Variants in CDR2 observed in about 807,000 individuals in gnomAD.
CDR2 encodes the protein cerebellar degeneration-related protein 2.
CDR2 carries 34 observed loss-of-function variants against 48.4 expected under a neutral mutation model. That is an observed-to-expected ratio of 0.70 (90% CI 0.53 to 0.94). The LOEUF (loss-of-function observed/expected upper bound fraction) is 0.94, where lower values mean the gene tolerates loss of function less well. Among genes scored for constraint, CDR2 ranks in the 40% least tolerant of loss-of-function variants. The pLI is 0.00. For synonymous variants in CDR2, 240 were observed against 219.7 expected (o/e 1.09, Z -0.82); for missense variants, 498 against 549.5 (o/e 0.91, Z 0.94).
At position 22,347,690 on chromosome 16, in the gene CDR2, G is replaced by T; in HGVS notation, c.640C>A (p.Gln214Lys). Residue 214 changes from glutamine to lysine, a missense_variant, in exon 5 of 5, where the codon CAG becomes AAG. Transcript: ENST00000268383. ...TCCTCCTCCATAGTCACCCGCTTCT[G>T]CCGCTCCAGGCTCAGCTGGGCCTGC... The part of the protein sequence containing the change: ...MLQAQLSLER[Q>K]KRVTMEEEYG... 6.2e-7 allele frequency: 1 copy of T among 1,613,860 alleles called. No individual in the cohort carries two copies. Among genetic ancestry groups the T allele is most frequent in the Non-Finnish European group, 8.5e-7 (1 of 1,180,020 alleles).
intron 4 of CDR2, among the ~76,000 whole-genome samples, chr16:22,348,735 C>G (rs1409773575): frequency 6.6e-6 from 1 of 152,202 alleles, no homozygotes. Context: ...TTCTCCTGCT[C>G]AGTCTGAAGC....
At chr16:22,372,763 A>T (rs2049086870) in intron 1 of CDR2, among the ~76,000 whole-genome samples, 1 of 152,238 alleles carries the variant, frequency 6.6e-6, no homozygotes, top group African/African-American at 2.4e-5. Flanking sequence ...AATAAAGGTG[A>T]ATTACTTTGG....
At position 22,347,223 on chromosome 16, in the gene CDR2, C is replaced by T; in HGVS notation, c.1107G>A (p.Glu369=). 2 of 1,614,204 alleles carry T rather than the reference C, an allele frequency of 1.2e-6. No individual in the cohort carries two copies. The highest frequency in any genetic ancestry group is 1.7e-6 in the Non-Finnish European group (2 of 1,180,034). Reference sequence around the variant, plus strand: ...CCTTGTGTGACAGGGAGTCCTGTTCCTCTTGGCACTTCTTCAGCAACTCTT... The same window carrying T: ...CCTTGTGTGACAGGGAGTCCTGTTCTTCTTGGCACTTCTTCAGCAACTCTT... ...KYEELLKKCQ[E]EQDSLSHKAV... is the part of the protein sequence containing the mutation. The change falls in exon 5 of 5, where the codon GAG becomes GAA. Residue 369 remains glutamate, a synonymous_variant. Transcript: ENST00000268383.
intron 2 of CDR2, among the ~76,000 whole-genome samples, chr16:22,356,774 A>T (rs1827918050): frequency 6.6e-6 from 1 of 151,708 alleles, no homozygotes; most frequent in Admixed American, 6.6e-5. Context: ...TAAAATAAAT[A>T]AAAATACAAA....
At chr16:22,368,805 G>C (rs553453270) in intron 1 of CDR2, 8 of 152,168 alleles carry the variant, frequency 5.3e-5, no homozygotes, top group Middle Eastern at 3.2e-3. Flanking sequence ...TCTTCTACTT[G>C]TTTTCACAGA....
intron 2 of CDR2, among the ~76,000 whole-genome samples, chr16:22,356,739 G>A (rs1450712997): frequency 6.6e-6 from 1 of 151,848 alleles, no homozygotes; most frequent in Non-Finnish European, 1.5e-5. Context: ...GGGGACAAGA[G>A]CAAGACTTTG....
chr16:22,356,102 T>C lies in CDR2; in HGVS notation c.193-6253A>G, dbSNP rs576824883. Among the ~76,000 whole-genome samples the C allele has an allele frequency of 3.9e-4, 60 of 152,342 alleles. No homozygotes were observed. The South Asian group carries it at 0.012, about 30-fold the overall frequency. On this transcript the variant is annotated intron_variant, in intron 2 of 4. Transcript: ENST00000268383. ...TCATGGTAGTTTCTAGATCTTGTTATTAAATATGTTAATACGTATCTATAT... is the reference window on the plus strand; with the variant it reads ...TCATGGTAGTTTCTAGATCTTGTTACTAAATATGTTAATACGTATCTATAT...
chr16:22,368,737 T>C (rs1394211228), intron 1 of CDR2: 1 of 152,168 alleles, frequency 6.6e-6, no homozygotes, highest in African/African-American at 2.4e-5. Context: ...GAAAGAGAGG[T>C]CCGCAGGCTT....
rs1205095430 is a variant in CDR2, at chr16:22,356,791, C to T, written c.193-6942G>A. Among the ~76,000 whole-genome samples the T allele has an allele frequency of 2.8e-4, 42 of 151,424 alleles. 1 individual carries two copies. Among genetic ancestry groups the T allele is most frequent in the Admixed American group, 2.8e-3 (42 of 15,202 alleles). The stretch of plus-strand genomic sequence containing the variant: ...AAATAAATAAAAATACAAAAATTAT[C>T]CAGGCAAGGTAGTGTATGCCTGTAA... On this transcript the variant is annotated intron_variant, in intron 2 of 4. Coordinates refer to ENST00000268383, the MANE Select transcript of CDR2 (RefSeq NM_001802.2).
At chr16:22,359,262 G>A (rs564191047) in intron 2 of CDR2, among the ~76,000 whole-genome samples, 70 of 152,176 alleles carry the variant, frequency 4.6e-4, no homozygotes, top group African/African-American at 1.7e-3. Flanking sequence ...GAGTAGCTGG[G>A]ATTACAGGCG....
chr16:22,346,913 G>A lies in CDR2; in HGVS notation c.*52C>T, dbSNP rs376501704. The A allele has an allele frequency of 1.1e-4, 174 of 1,554,816 alleles. No individual in the cohort carries two copies. Among genetic ancestry groups the A allele is most frequent in the Non-Finnish European group, 1.5e-4 (172 of 1,140,544 alleles). On this transcript the variant is annotated 3_prime_UTR_variant, in exon 5 of 5. Coordinates refer to ENST00000268383, the MANE Select transcript of CDR2 (RefSeq NM_001802.2). ...AGTCTACAAACACTTGTCTGAATGG[G>A]AGAGAGAGGCGATAGGCAATAGGCA...
At chr16:22,364,078 T>C (rs569592674) in intron 2 of CDR2, among the ~76,000 whole-genome samples, 2 of 152,270 alleles carry the variant, frequency 1.3e-5, no homozygotes, top group South Asian at 4.1e-4. Flanking sequence ...AAGCTGGGAC[T>C]ACAGGCACAC....
In CDR2 at chr16:22,347,127, G is replaced by A. The variant is rs532368963; in HGVS notation, c.1203C>T (p.Ser401=). Residue 401 remains serine (S), a synonymous_variant, in exon 5 of 5, where the codon AGC becomes AGT. Transcript: ENST00000268383. The stretch of plus-strand genomic sequence containing the variant: ...GGTTGACAGAGGCCAGTTCCCAGCC[G>A]CTGGCAACAGGCTCAGACTGGGCGT... ...GVNAQSEPVA[S]GWELASVNPE... is the part of the protein sequence containing the mutation. 62 of 1,614,218 alleles carry A rather than the reference G, an allele frequency of 3.8e-5. No homozygotes were observed. Among genetic ancestry groups the A allele is most frequent in the Middle Eastern group, 3.3e-4 (2 of 6,062 alleles).
Position 22,346,744 on chromosome 16 carries a change from C to A in CDR2, c.*221G>T. 1.7e-6 allele frequency: 1 copy of A among 574,722 alleles called. No homozygotes were observed. Among genetic ancestry groups the A allele is most frequent in the Non-Finnish European group, 3.1e-6 (1 of 324,034 alleles). 35.6% of individuals were successfully genotyped at this position (574,722 alleles called of 1,614,324 possible). On this transcript the variant is annotated 3_prime_UTR_variant, in exon 5 of 5. Transcript: ENST00000268383. The stretch of plus-strand genomic sequence containing the variant: ...TCTAATCAGCGCGCCAGCCAGAGGC[C>A]AGTTTGTCATGGGATTTCCTGGGGA...
At chr16:22,348,749 T>C (rs907817702) in intron 4 of CDR2, among the ~76,000 whole-genome samples, 3 of 152,218 alleles carry the variant, frequency 2.0e-5, no homozygotes, top group Admixed American at 6.5e-5. Flanking sequence ...CTGAAGCACC[T>C]TGACTATTTA....
intron 2 of CDR2, among the ~76,000 whole-genome samples, chr16:22,354,744 A>T (rs996891563): frequency 6.6e-6 from 1 of 151,174 alleles, no homozygotes; most frequent in Non-Finnish European, 1.5e-5. Flanking sequence ...AAAAAAAAAA[A>T]TTAGTTAGGC....
chr16:22,371,570 A>G (rs2049076661), intron 1 of CDR2, among the ~76,000 whole-genome samples: 1 of 152,240 alleles, frequency 6.6e-6, no homozygotes, highest in South Asian at 2.1e-4. Flanking sequence ...AGCAGATAAT[A>G]CATTTTTGAG....
Position 22,349,457 on chromosome 16 carries a change from A to G in CDR2, c.342-14T>C. ...GTTTCAGTCAGGCTGTGAGGAACAG[A>G]CAGAAGCCACTGCTGCTTGTCATAT... On this transcript the variant is annotated splice_polypyrimidine_tract_variant and intron_variant, in intron 3 of 4. Transcript: ENST00000268383. 6.2e-7 allele frequency: 1 copy of G among 1,613,864 alleles called. No homozygotes were observed. The highest frequency in any genetic ancestry group is 8.5e-7 in the Non-Finnish European group (1 of 1,179,842).
At position 22,374,313 on chromosome 16, in the gene CDR2, G is replaced by A. The variant is rs201444413; in HGVS notation, c.-4C>T. ...CTACCAGGTTTTCCGCCAGCATCTC[G>A]GCTGGGTCTTCTAGGGGCAGCGGCC... On this transcript the variant is annotated 5_prime_UTR_variant, in exon 1 of 5. Transcript: ENST00000268383. 7.5e-6 allele frequency: 12 copies of A among 1,594,706 alleles called. No homozygotes were observed. Among genetic ancestry groups the A allele is most frequent in the Middle Eastern group, 1.7e-4 (1 of 6,020 alleles).
Sources: allele counts gnomAD v4.1 joint callset (sites outside exome capture counted in the v4.1 genomes callset), GRCh38; gene constraint gnomAD v4.1.1; transcripts MANE v1.5; gene names NCBI Gene and HGNC (gene_info 2026-07-23, HGNC 2026-07-21).